COX10: variants seen among roughly 807,000 people sequenced by gnomAD.
COX10 encodes the protein protoheme IX farnesyltransferase, mitochondrial.
Under a neutral mutation model 37.3 loss-of-function variants are expected in COX10, and 27 were observed. That is an observed-to-expected ratio of 0.72 (90% confidence interval 0.53 to 1.00). COX10 has a LOEUF of 1.00. Among genes scored for constraint, COX10 ranks in the 50% least tolerant of loss-of-function variants. The probability of loss-of-function intolerance (pLI) is 0.00; values close to 1 mark genes in which losing one functional copy is unlikely to be tolerated. For synonymous variants in COX10, 222 were observed against 229.1 expected (o/e 0.97, Z 0.28); for missense variants, 475 against 563.2 (o/e 0.84, Z 1.59).
chr17:14,116,549 G>A (rs1476270665), intron 4 of COX10, among the ~76,000 whole-genome samples: 2 of 152,052 alleles, frequency 1.3e-5, no homozygotes. Flanking sequence ...AATCCAATCT[G>A]CTGGTTGCTC....
chr17:14,075,120 A>T (rs1915112015), intron 2 of COX10, among the ~76,000 whole-genome samples: 1 of 152,166 alleles, frequency 6.6e-6, no homozygotes, highest in South Asian at 2.1e-4. Flanking sequence ...TTATAATTTA[A>T]AGTCCTATTT....
intron 4 of COX10, among the ~76,000 whole-genome samples, chr17:14,153,638 T>C (rs920398376): frequency 1.1e-4 from 17 of 152,322 alleles, no homozygotes; most frequent in African/African-American, 4.1e-4. Flanking sequence ...GAAGTGGAAC[T>C]TTCATATACT....
intron 4 of COX10, among the ~76,000 whole-genome samples, chr17:14,146,115 A>G (rs1408987806): frequency 6.6e-6 from 1 of 152,136 alleles, no homozygotes; most frequent in Non-Finnish European, 1.5e-5. Context: ...GGAAAAAACT[A>G]TCTTAAAATT....
chr17:14,145,847 G>T (rs151099583), intron 4 of COX10, among the ~76,000 whole-genome samples: 26 of 152,214 alleles, frequency 1.7e-4, no homozygotes, highest in Non-Finnish European at 2.5e-4. Flanking sequence ...TGGCACTGAT[G>T]ATAGGAATAA....
At chr17:14,082,790 A>G (rs968418177) in intron 3 of COX10, among the ~76,000 whole-genome samples, 32 of 152,314 alleles carry the variant, frequency 2.1e-4, no homozygotes, top group African/African-American at 6.0e-4. Flanking sequence ...GCTTGTTAAA[A>G]CAGTGATTCC....
chr17:14,113,248 A>G (rs1467130710), intron 4 of COX10, among the ~76,000 whole-genome samples: 1 of 152,080 alleles, frequency 6.6e-6, no homozygotes, highest in African/African-American at 2.4e-5. Context: ...TCATCACAGA[A>G]AGCACCAAAA....
At chr17:14,180,458 G>A (rs890705952) in intron 5 of COX10, among the ~76,000 whole-genome samples, 1 of 152,102 alleles carries the variant, frequency 6.6e-6, no homozygotes, top group Admixed American at 6.5e-5. Context: ...CATTACAATG[G>A]TTGAACAAGA....
intron 5 of COX10, among the ~76,000 whole-genome samples, chr17:14,164,914 A>G (rs909726053): frequency 2.6e-5 from 4 of 151,886 alleles, no homozygotes; most frequent in Non-Finnish European, 5.9e-5. Context: ...CCCACGTAGC[A>G]TGATTGTAAT....
At chr17:14,097,714 C>G (rs995275212) in intron 3 of COX10, among the ~76,000 whole-genome samples, 1 of 152,048 alleles carries the variant, frequency 6.6e-6, no homozygotes, top group South Asian at 2.1e-4. Context: ...TAGAACATTT[C>G]TATTATTGAC....
At chr17:14,110,626 T>A (rs1014380571) in intron 4 of COX10, among the ~76,000 whole-genome samples, 5 of 152,056 alleles carry the variant, frequency 3.3e-5, no homozygotes, top group Admixed American at 6.6e-5. Flanking sequence ...TTTCTTTTCT[T>A]TTTTTAATCT....
chr17:14,162,272 T>C (rs1476490564), intron 5 of COX10, among the ~76,000 whole-genome samples: 2 of 152,202 alleles, frequency 1.3e-5, no homozygotes, highest in Non-Finnish European at 2.9e-5. Flanking sequence ...TTGAAGATCA[T>C]AGAAGTGAAA....
In COX10 at chr17:14,207,150, G is replaced by GC; in HGVS notation, c.1270dup (p.Leu424ProfsTer41). The GC allele has an allele frequency of 1.2e-6, 2 of 1,612,928 alleles. No individual in the cohort carries two copies. The highest frequency in any genetic ancestry group is 1.7e-6 in the Non-Finnish European group (2 of 1,179,764). ...GCCTGTGGCACCTGCCGCTGCTGCT[G>GC]CTGCTCATGCTCACCTGCAAGCGGC... is the stretch of plus-strand genomic sequence containing the variant. On this transcript the variant is annotated frameshift_variant, in exon 7 of 7. Coordinates refer to ENST00000261643, the MANE Select transcript of COX10 (RefSeq NM_001303.4). LOFTEE classifies it low-confidence loss of function (END_TRUNC).
intron 6 of COX10, among the ~76,000 whole-genome samples, chr17:14,199,235 C>G (rs1906457029): frequency 6.6e-6 from 1 of 152,164 alleles, no homozygotes; most frequent in Non-Finnish European, 1.5e-5. Flanking sequence ...TGGGCCAGTG[C>G]CTTCCTGAAT....
chr17:14,112,087 T>G (rs924361697), intron 4 of COX10, among the ~76,000 whole-genome samples: 6 of 152,176 alleles, frequency 3.9e-5, no homozygotes, highest in African/African-American at 1.4e-4. Flanking sequence ...CAAAGTGTAA[T>G]GTATTTTTTC....
At chr17:14,198,695 C>T (rs919158112) in intron 6 of COX10, among the ~76,000 whole-genome samples, 11 of 152,274 alleles carry the variant, frequency 7.2e-5, no homozygotes, top group Non-Finnish European at 1.6e-4. Context: ...ATGTTCAGTT[C>T]TGTTTCACTT....
intron 4 of COX10, among the ~76,000 whole-genome samples, chr17:14,142,328 G>C (rs1009327332): frequency 6.6e-6 from 1 of 152,318 alleles, no homozygotes; most frequent in Non-Finnish European, 1.5e-5. Context: ...TTGTGTCTGA[G>C]ACAGAAAACT....
At position 14,191,540 on chromosome 17, in the gene COX10, C is replaced by G. The variant is rs571339245; in HGVS notation, c.696-449C>G. On this transcript the variant is annotated intron_variant, in intron 5 of 6. Coordinates refer to ENST00000261643, the MANE Select transcript of COX10 (RefSeq NM_001303.4). The stretch of plus-strand genomic sequence containing the variant: ...CCAGAATTCAGGTAGTATTTTCTGC[C>G]CAATCTTCCAATATTGTGTTTGAAG... Among the ~76,000 whole-genome samples the G allele has an allele frequency of 4.6e-5, 7 of 152,222 alleles. No homozygotes were observed. The East Asian group carries it at 1.3e-3, about 29-fold the overall frequency.
intron 6 of COX10, among the ~76,000 whole-genome samples, chr17:14,198,896 A>G (rs1440110579): frequency 6.6e-6 from 1 of 152,192 alleles, no homozygotes; most frequent in African/African-American, 2.4e-5. Context: ...GTCTGTGTTC[A>G]CTTTGTATAA....
At chr17:14,176,023 G>C (rs571982470) in intron 5 of COX10, among the ~76,000 whole-genome samples, 1 of 152,278 alleles carries the variant, frequency 6.6e-6, no homozygotes, top group Non-Finnish European at 1.5e-5. Flanking sequence ...ATCAGATTTA[G>C]GTTAAAAGAA....
Sources: allele counts gnomAD v4.1 joint callset (sites outside exome capture counted in the v4.1 genomes callset), GRCh38; gene constraint gnomAD v4.1.1; transcripts MANE v1.5; gene names NCBI Gene and HGNC (gene_info 2026-07-23, HGNC 2026-07-21).